The following LIPK variants were observed in gnomAD, a reference collection of about 807,000 sequenced individuals.
LIPK encodes the protein lipase member K.
In LIPK, 32 loss-of-function variants were observed where a neutral mutation model predicts 48.6. That is an observed-to-expected ratio of 0.66 (90% CI 0.50 to 0.88). The LOEUF is 0.88. LIPK is among the 40% of genes least tolerant of loss of function. LIPK has a pLI of 0.00. For synonymous variants in LIPK, 164 were observed against 157.4 expected (o/e 1.04, Z -0.32); for missense variants, 507 against 478.5 (o/e 1.06, Z -0.56).
intron 4 of LIPK, among the ~76,000 whole-genome samples, chr10:88,731,484 G>A (rs765833272): frequency 3.3e-5 from 5 of 152,236 alleles, no homozygotes; most frequent in Non-Finnish European, 7.3e-5. Context: ...CAACAGTGCT[G>A]CCAGCAGCAG....
chr10:88,737,191 C>T (rs935263787), intron 6 of LIPK, among the ~76,000 whole-genome samples: 34 of 152,084 alleles, frequency 2.2e-4, no homozygotes, highest in African/African-American at 7.2e-4. Context: ...TTTGCATGTG[C>T]GCTAGATGCT....
intron 6 of LIPK, among the ~76,000 whole-genome samples, chr10:88,735,238 C>A (rs1402483017): frequency 6.6e-6 from 1 of 152,180 alleles, no homozygotes; most frequent in Non-Finnish European, 1.5e-5. Flanking sequence ...TCCATTCCCC[C>A]TTCCTCACCT....
At chr10:88,738,947 T>C (rs1842627395) in intron 7 of LIPK, among the ~76,000 whole-genome samples, 2 of 152,262 alleles carry the variant, frequency 1.3e-5, no homozygotes, top group South Asian at 4.1e-4. Flanking sequence ...CTTTGAGATT[T>C]TGATTTTTAT....
chr10:88,743,223 T>C (rs746128287), intron 8 of LIPK, 27 bp from the exon 9 acceptor site: 3 of 1,500,644 alleles, frequency 2.0e-6, no homozygotes, highest in Non-Finnish European at 2.7e-6. Flanking sequence ...TTTCTTATAT[T>C]ATTTTAACGT....
At chr10:88,730,825 C>CATTT (rs1842449647) in intron 3 of LIPK, among the ~76,000 whole-genome samples, 158 bp from the exon 4 acceptor site, 1 of 152,140 alleles carries the variant, frequency 6.6e-6, no homozygotes, top group African/African-American at 2.4e-5. Context: ...ATAACTTACC[C>CATTT]AAGTAAGTAG....
Position 88,731,088 on chromosome 10 carries a change from G to T in LIPK, c.329G>T (p.Gly110Val). 6.2e-7 allele frequency: 1 copy of T among 1,607,036 alleles called. No individual in the cohort carries two copies. Among genetic ancestry groups the T allele is most frequent in the South Asian group, 1.1e-5 (1 of 89,246 alleles). ...TTGGCTTTCCTTCTGGCAGATAGTG[G>T]TTATGACGTGTGGTTGGGGAACAGC... ...NSLAFLLADS[G>V]YDVWLGNSRG... Residue 110 changes from glycine to valine, a missense_variant, in exon 4 of 10, where the codon GGT (glycine) becomes GTT (valine). Transcript: ENST00000404190.
intron 3 of LIPK, among the ~76,000 whole-genome samples, chr10:88,730,576 A>C (rs991485334): frequency 1.3e-5 from 2 of 152,202 alleles, no homozygotes; most frequent in South Asian, 4.1e-4. Flanking sequence ...GGCGTGAGCC[A>C]CCGCGCCTGG....
chr10:88,744,337 T>A (rs923531199), intron 9 of LIPK, among the ~76,000 whole-genome samples: 1 of 152,234 alleles, frequency 6.6e-6, no homozygotes, highest in Non-Finnish European at 1.5e-5. Context: ...TTTGCAAGCA[T>A]GCGTGTGTGC....
chr10:88,740,571 A>C (rs1842660381), intron 8 of LIPK, among the ~76,000 whole-genome samples: 1 of 152,210 alleles, frequency 6.6e-6, no homozygotes, highest in African/African-American at 2.4e-5. Flanking sequence ...AATATACAGA[A>C]AGCTCAGAGA....
At chr10:88,720,904 T>C (rs1044838947) in intron 1 of LIPK, among the ~76,000 whole-genome samples, 8 of 151,780 alleles carry the variant, frequency 5.3e-5, no homozygotes, top group African/African-American at 9.7e-5. Context: ...AAATCTATTA[T>C]AGATTATATC....
At chr10:88,747,717 A>G (rs957716067) in intron 9 of LIPK, among the ~76,000 whole-genome samples, 1 of 152,198 alleles carries the variant, frequency 6.6e-6, no homozygotes, top group Non-Finnish European at 1.5e-5. Context: ...ATACCATCTC[A>G]TGCCAGAGAG....
chr10:88,732,310 C>G, intron 5 of LIPK, 23 bp downstream of exon 5: 1 of 1,598,806 alleles, frequency 6.3e-7, no homozygotes, highest in South Asian at 1.1e-5. Context: ...CAGATGTGAT[C>G]AGAGAATGTC....
intron 1 of LIPK, among the ~76,000 whole-genome samples, chr10:88,720,388 G>A (rs1842199588): frequency 6.6e-6 from 1 of 152,074 alleles, no homozygotes. Flanking sequence ...GGTAGGAGGA[G>A]GAAGAGGATC....
At chr10:88,737,028 T>G (rs184187764) in intron 6 of LIPK, among the ~76,000 whole-genome samples, 2 of 152,332 alleles carry the variant, frequency 1.3e-5, no homozygotes, top group East Asian at 3.9e-4. Flanking sequence ...CAACACTGCC[T>G]GAAATTACAC....
At chr10:88,746,960 T>A (rs191952910) in intron 9 of LIPK, among the ~76,000 whole-genome samples, 99 of 152,108 alleles carry the variant, frequency 6.5e-4, no homozygotes, top group Non-Finnish European at 1.2e-3. Context: ...AGATACATAA[T>A]AATCCCTCAG....
At chr10:88,751,081 T>C (rs562747282) in intron 9 of LIPK, among the ~76,000 whole-genome samples, 45 of 152,160 alleles carry the variant, frequency 3.0e-4, no homozygotes, top group Non-Finnish European at 5.3e-4. Flanking sequence ...AGTATCATTT[T>C]TAGGAGGTAG....
chr10:88,742,191 CACCTG>C (rs1461815336), intron 8 of LIPK, among the ~76,000 whole-genome samples: 1 of 152,196 alleles, frequency 6.6e-6, no homozygotes, highest in African/African-American at 2.4e-5. Flanking sequence ...CCAGGCCCCT[CACCTG>C]ACAAGTGTGG....
chr10:88,711,776 AT>A (rs1170100904), intron 1 of LIPK, among the ~76,000 whole-genome samples: 2 of 151,844 alleles, frequency 1.3e-5, no homozygotes, highest in Admixed American at 6.6e-5. Context: ...TGTCCGGCCT[AT>A]TTTTTTGATG....
At chr10:88,749,770 C>G (rs1352646284) in intron 9 of LIPK, among the ~76,000 whole-genome samples, 1 of 151,766 alleles carries the variant, frequency 6.6e-6, no homozygotes, top group Non-Finnish European at 1.5e-5. Flanking sequence ...GATAAAGATG[C>G]CAAAAGTAAT....
Sources: allele counts gnomAD v4.1 joint callset (sites outside exome capture counted in the v4.1 genomes callset), GRCh38; gene constraint gnomAD v4.1.1; transcripts MANE v1.5; gene names NCBI Gene and HGNC (gene_info 2026-07-23, HGNC 2026-07-21).